The following DENND5A variants were observed in gnomAD, a reference collection of about 807,000 sequenced individuals.
The protein encoded by DENND5A is DENN domain-containing protein 5A.
A neutral mutation model predicts 140.3 loss-of-function variants in DENND5A; 64 were observed. The ratio of observed to expected loss-of-function variants is 0.46; its 90% CI spans 0.37 to 0.56. The LOEUF is 0.56. Among genes scored for constraint, DENND5A ranks in the 20% least tolerant of loss-of-function variants. The pLI is 0.00. For missense variants in DENND5A, 1,292 were observed against 1,593.8 expected (o/e 0.81, Z 3.22); for synonymous variants, 605 against 607.7 (o/e 1.00, Z 0.07).
intron 1 of DENND5A, among the ~76,000 whole-genome samples, chr11:9,208,379 T>C (rs1849762137): frequency 6.6e-6 from 1 of 152,226 alleles, no homozygotes; most frequent in Admixed American, 6.5e-5. Context: ...ATGTAGTTTT[T>C]CTAAGTTGGT....
At chr11:9,185,273 C>T (rs1360690054) in intron 5 of DENND5A, among the ~76,000 whole-genome samples, 1 of 152,072 alleles carries the variant, frequency 6.6e-6, no homozygotes, top group East Asian at 1.9e-4. Context: ...AAACTCCTTC[C>T]CTAGCCAGAA....
At chr11:9,186,977 G>A (rs529136014) in intron 5 of DENND5A, among the ~76,000 whole-genome samples, 108 of 152,200 alleles carry the variant, frequency 7.1e-4, no homozygotes, top group African/African-American at 2.3e-3. Context: ...CCAGCTACTC[G>A]GGAGACTGAG....
intron 1 of DENND5A, among the ~76,000 whole-genome samples, chr11:9,209,093 A>G (rs1032559864): frequency 6.6e-6 from 1 of 152,220 alleles, no homozygotes; most frequent in Non-Finnish European, 1.5e-5. Context: ...ACTTTCAGTT[A>G]TCAGTTTGTT....
At chr11:9,232,752 G>A (rs1850826095) in intron 1 of DENND5A, among the ~76,000 whole-genome samples, 1 of 152,088 alleles carries the variant, frequency 6.6e-6, no homozygotes, top group African/African-American at 2.4e-5. Flanking sequence ...CCATGTTCAC[G>A]AAAAGGCACA....
At position 9,204,114 on chromosome 11, in the gene DENND5A, A is replaced by G; in HGVS notation, c.495T>C (p.His165=). 2 of 1,614,188 alleles carry G rather than the reference A, an allele frequency of 1.2e-6. No homozygotes were observed. Among genetic ancestry groups the G allele is most frequent in the Non-Finnish European group, 1.7e-6 (2 of 1,180,030 alleles). The stretch of plus-strand genomic sequence containing the variant: ...GGTCTCTGTCATCAGCAGGGGGAGC[A>G]TGTAGGACATCATACTCAGCATTGT... ...HMHNAEYDVL[H]APPADDRDQS... is the part of the protein sequence containing the mutation. The change falls in exon 4 of 23, where the codon CAT becomes CAC. Residue 165 remains histidine, a synonymous_variant. Transcript: ENST00000328194.
At chr11:9,215,882 G>A (rs918740831) in intron 1 of DENND5A, among the ~76,000 whole-genome samples, 2 of 152,094 alleles carry the variant, frequency 1.3e-5, no homozygotes, top group Non-Finnish European at 2.9e-5. Context: ...TTAGTTAGAT[G>A]TATACGCACA....
rs150185779 is a variant in DENND5A, at chr11:9,180,820, T to A, written c.1402A>T (p.Thr468Ser). Reference sequence around the variant, plus strand: ...ACCAAGGCTTGCAGCCGGGCAATAGTTTCATTCTCCTTAAGAAGCTCGTAG... The same window carrying A: ...ACCAAGGCTTGCAGCCGGGCAATAGATTCATTCTCCTTAAGAAGCTCGTAG... ...HSYELLKENE[T>S]IARLQALVKR... The change falls in exon 6 of 23, where the codon ACT (threonine) becomes TCT (serine). Residue 468 changes from threonine to serine, a missense_variant. Physicochemically the swap from Thr to Ser is moderately conservative, Grantham distance 58. Coordinates refer to ENST00000328194, the MANE Select transcript of DENND5A (RefSeq NM_015213.4). 1 of 1,614,098 alleles carries A rather than the reference T, an allele frequency of 6.2e-7. No homozygotes were observed. The highest frequency in any genetic ancestry group is 8.5e-7 in the Non-Finnish European group (1 of 1,180,034).
chr11:9,144,416 C>T, intron 18 of DENND5A, 138 bp from the exon 19 acceptor site: 3 of 839,602 alleles, frequency 3.6e-6, no homozygotes, highest in Non-Finnish European at 5.6e-6. Flanking sequence ...CTGGTTCCAC[C>T]ATGTATCATC....
At chr11:9,220,751 G>A (rs927214643) in intron 1 of DENND5A, among the ~76,000 whole-genome samples, 3 of 152,010 alleles carry the variant, frequency 2.0e-5, no homozygotes, top group African/African-American at 7.3e-5. Flanking sequence ...AAATTAGCCA[G>A]GCATGGTGGT....
chr11:9,228,528 C>A (rs565160206), intron 1 of DENND5A, among the ~76,000 whole-genome samples: 82 of 152,246 alleles, frequency 5.4e-4, no homozygotes, highest in African/African-American at 1.9e-3. Flanking sequence ...GCAGGTAGAT[C>A]ACCTGAGGTC....
intron 1 of DENND5A, among the ~76,000 whole-genome samples, chr11:9,261,409 A>C (rs1475819984): frequency 6.6e-6 from 1 of 152,162 alleles, no homozygotes; most frequent in Non-Finnish European, 1.5e-5. Flanking sequence ...GGGAGCTACA[A>C]GGCAGGCTGA....
rs888189311 is a variant in DENND5A at position 9,261,674 on chromosome 11, G to A, written c.109+3287C>T. ...GCGCGGCTCATAATCCCAGCTACTC[G>A]GGAGGCTGAGGCAGAATTGCTTGAA... is the stretch of plus-strand genomic sequence containing the variant. On this transcript the variant is annotated intron_variant, in intron 1 of 22. Coordinates refer to ENST00000328194, the MANE Select transcript of DENND5A (RefSeq NM_015213.4). Among the ~76,000 whole-genome samples, 11 of 151,372 alleles carry A rather than the reference G, an allele frequency of 7.3e-5. 1 individual carries two copies. Among genetic ancestry groups the A allele is most frequent in the Admixed American group, 2.6e-4 (4 of 15,100 alleles).
At chr11:9,188,345 T>C (rs1056615126) in intron 5 of DENND5A, among the ~76,000 whole-genome samples, 1 of 152,174 alleles carries the variant, frequency 6.6e-6, no homozygotes, top group East Asian at 1.9e-4. Flanking sequence ...TTCTTCCCAC[T>C]CTCAGGTATG....
At chr11:9,168,986 C>T (rs986548410) in intron 10 of DENND5A, among the ~76,000 whole-genome samples, 2 of 151,976 alleles carry the variant, frequency 1.3e-5, no homozygotes, top group African/African-American at 4.8e-5. Flanking sequence ...ACTCAGCTTA[C>T]AAGCAATGAA....
At chr11:9,263,985 GA>G (rs1162859488) in intron 1 of DENND5A, among the ~76,000 whole-genome samples, 1 of 151,966 alleles carries the variant, frequency 6.6e-6, no homozygotes, top group Non-Finnish European at 1.5e-5. Context: ...TACAGTGACA[GA>G]AAAGTGAAAA....
At chr11:9,186,651 C>G (rs754665941) in intron 5 of DENND5A, among the ~76,000 whole-genome samples, 3 of 152,164 alleles carry the variant, frequency 2.0e-5, no homozygotes, top group Non-Finnish European at 2.9e-5. Flanking sequence ...AACCTTTGGT[C>G]AGAGGTGGGT....
intron 8 of DENND5A, among the ~76,000 whole-genome samples, chr11:9,172,665 G>T (rs1848409699): frequency 6.6e-6 from 1 of 152,154 alleles, no homozygotes; most frequent in Admixed American, 6.6e-5. Context: ...CTTCCACCAT[G>T]CTTGTAAGTT....
intron 4 of DENND5A, among the ~76,000 whole-genome samples, chr11:9,196,931 C>T (rs1468891314): frequency 6.8e-6 from 1 of 146,850 alleles, no homozygotes; most frequent in Non-Finnish European, 1.5e-5. Context: ...TTTTAATATA[C>T]CATACAGATT....
chr11:9,176,948 C>A (rs1415974527), intron 8 of DENND5A: 2 of 455,980 alleles, frequency 4.4e-6, no homozygotes, highest in Non-Finnish European at 4.4e-6. Context: ...AAAGCTTTTC[C>A]TTTCTGATAA....
Sources: allele counts gnomAD v4.1 joint callset (sites outside exome capture counted in the v4.1 genomes callset), GRCh38; gene constraint gnomAD v4.1.1; transcripts MANE v1.5; gene names NCBI Gene and HGNC (gene_info 2026-07-23, HGNC 2026-07-21).